Variants in DACH2 observed in about 807,000 individuals in gnomAD.
DACH2 encodes the protein dachshund homolog 2.
A neutral mutation model predicts 35.8 loss-of-function variants in DACH2; 17 were observed. The observed-to-expected ratio is 0.48, with a 90% CI of 0.33 to 0.71. The LOEUF is 0.71. Ranked by LOEUF, DACH2 falls within the 30% of genes least tolerant of loss-of-function variation. The probability of loss-of-function intolerance (pLI) is 0.02; values close to 1 mark genes in which losing one functional copy is unlikely to be tolerated. For synonymous variants in DACH2, 195 were observed against 177.3 expected (o/e 1.10, Z -0.79); for missense variants, 469 against 472.7 (o/e 0.99, Z 0.07).
At chrX:86,404,437 A>G (rs1386641405) in intron 2 of DACH2, among the ~76,000 whole-genome samples, 1 of 112,116 alleles carries the variant, frequency 8.9e-6, no homozygotes, top group Non-Finnish European at 1.9e-5. Flanking sequence ...TACAGGCCCC[A>G]TGCAAGTCCA....
intron 2 of DACH2, among the ~76,000 whole-genome samples, chrX:86,468,551 C>T (rs1251446029): frequency 9.0e-6 from 1 of 111,598 alleles, no homozygotes; most frequent in Non-Finnish European, 1.9e-5. Flanking sequence ...GAGAGTACTT[C>T]CAATTTCTCC....
intron 6 of DACH2, among the ~76,000 whole-genome samples, chrX:86,729,129 C>A (rs765110239): frequency 5.3e-5 from 6 of 112,421 alleles, no homozygotes; most frequent in African/African-American, 1.9e-4. Context: ...CCCTGTAAAG[C>A]CACAGGGGCA....
intron 3 of DACH2, among the ~76,000 whole-genome samples, chrX:86,592,067 C>T (rs1012286749): frequency 9.1e-6 from 1 of 110,089 alleles, no homozygotes; most frequent in Admixed American, 9.7e-5. Flanking sequence ...ATCGATTGTG[C>T]TTATGGTGTT....
At chrX:86,207,726 G>T (rs1165225118) in intron 1 of DACH2, among the ~76,000 whole-genome samples, 1 of 110,886 alleles carries the variant, frequency 9.0e-6, no homozygotes, top group Non-Finnish European at 1.9e-5. Context: ...ATAATTTGGT[G>T]TTGCTAATGT....
chrX:86,299,460 T>C (rs2034532492), intron 1 of DACH2, among the ~76,000 whole-genome samples: 1 of 111,972 alleles, frequency 8.9e-6, no homozygotes, highest in African/African-American at 3.2e-5. Flanking sequence ...AAGTAGATGC[T>C]CAGTACTTCT....
chrX:86,654,553 G>A (rs952263115), intron 4 of DACH2, among the ~76,000 whole-genome samples: 18 of 111,042 alleles, frequency 1.6e-4, no homozygotes, highest in African/African-American at 5.2e-4. Context: ...GCAATTTTCT[G>A]GGGAATCAAT....
chrX:86,798,604 A>G, intron 7 of DACH2: 1 of 119,831 alleles, frequency 8.3e-6, no homozygotes, highest in Non-Finnish European at 1.8e-5. Context: ...TAAATCAGTT[A>G]TCAAGGAAAG....
chrX:86,440,809 T>C (rs2037148180), intron 2 of DACH2, among the ~76,000 whole-genome samples: 1 of 111,686 alleles, frequency 9.0e-6, no homozygotes, highest in African/African-American at 3.3e-5. Flanking sequence ...GTATTTATCA[T>C]TTCTTTGTTG....
At chrX:86,207,310 G>A (rs1457721761) in intron 1 of DACH2, among the ~76,000 whole-genome samples, 1 of 111,288 alleles carries the variant, frequency 9.0e-6, no homozygotes, top group African/African-American at 3.3e-5. Flanking sequence ...ATTGTAATCT[G>A]GTTTCATGAA....
chrX:86,357,767 G>C (rs1393991947), intron 1 of DACH2, among the ~76,000 whole-genome samples: 3 of 112,259 alleles, frequency 2.7e-5, no homozygotes, highest in African/African-American at 9.7e-5. Flanking sequence ...ACACACGTGT[G>C]CTTGATCAAA....
intron 1 of DACH2, among the ~76,000 whole-genome samples, chrX:86,189,036 T>C (rs1249249184): frequency 8.9e-6 from 1 of 111,990 alleles, no homozygotes; most frequent in Admixed American, 9.6e-5. Context: ...AAAGATTAAT[T>C]CGAAGTGACT....
chrX:86,759,635 G>C (rs1426431070), intron 7 of DACH2, among the ~76,000 whole-genome samples: 1 of 109,118 alleles, frequency 9.2e-6, no homozygotes, highest in Non-Finnish European at 1.9e-5. Flanking sequence ...TTACATTCAA[G>C]GTTATTATTG....
intron 2 of DACH2, among the ~76,000 whole-genome samples, chrX:86,403,992 T>G (rs1200497561): frequency 9.1e-6 from 1 of 109,865 alleles, no homozygotes; most frequent in Non-Finnish European, 1.9e-5. Context: ...TTTTTTTTTT[T>G]TTAAAGCACC....
In DACH2 at chrX:86,736,464, T is replaced by C. The variant is rs893263183; in HGVS notation, c.1105-3283T>C. ...TTTCAGCATAAATTATTGGAGTTTA[T>C]ATCATTTTATCCTATGCTAATTTTA... On this transcript the variant is annotated intron_variant, in intron 6 of 11. Coordinates refer to ENST00000373125, the MANE Select transcript of DACH2 (RefSeq NM_053281.3). Among the ~76,000 whole-genome samples, 9 of 112,201 alleles carry C rather than the reference T, an allele frequency of 8.0e-5. No individual in the cohort carries two copies. The East Asian group carries it at 2.0e-3, about 24-fold the overall frequency.
At chrX:86,669,405 CA>C (rs1056487975) in intron 4 of DACH2, among the ~76,000 whole-genome samples, 3 of 110,343 alleles carry the variant, frequency 2.7e-5, no homozygotes, top group African/African-American at 9.8e-5. Context: ...CAAGAATTGG[CA>C]AAAAAAGATA....
rs778205281 is a variant in DACH2 at position 86,509,774 on chromosome X, AAAC to A, written c.528-4501_528-4499del. Among the ~76,000 whole-genome samples, 241 of 112,322 alleles carry A rather than the reference AAAC, an allele frequency of 2.1e-3. 1 individual carries two copies. The highest frequency in any genetic ancestry group is 9.2e-3 in the Middle Eastern group (2 of 218). ...CAGAGCAGCACTTTCATAGTCAGGT[AAAC>A]AACGCCTTCAAAGCTAATGTCATTT... On this transcript the variant is annotated intron_variant, in intron 2 of 11. Coordinates refer to ENST00000373125, the MANE Select transcript of DACH2 (RefSeq NM_053281.3).
intron 2 of DACH2, among the ~76,000 whole-genome samples, chrX:86,387,798 T>TA (rs2036142555): frequency 8.9e-6 from 1 of 112,250 alleles, no homozygotes; most frequent in Non-Finnish European, 1.9e-5. Context: ...TACTAACACT[T>TA]ACATTATTTT....
chrX:86,432,839 G>A (rs2037006908), intron 2 of DACH2, among the ~76,000 whole-genome samples: 2 of 112,281 alleles, frequency 1.8e-5, no homozygotes, highest in Non-Finnish European at 3.8e-5. Flanking sequence ...CTGTGCTTGT[G>A]GATGTGAATC....
At chrX:86,573,509 T>C (rs907704330) in intron 3 of DACH2, among the ~76,000 whole-genome samples, 2 of 111,541 alleles carry the variant, frequency 1.8e-5, no homozygotes, top group African/African-American at 6.5e-5. Flanking sequence ...CTAGAAGCCA[T>C]AGAGATAGTT....
Sources: gnomAD v4.1 joint callset for allele counts (sites outside exome capture counted in the v4.1 genomes callset) on GRCh38, gnomAD v4.1.1 for gene constraint, MANE v1.5 for transcripts, NCBI Gene and HGNC (gene_info 2026-07-23, HGNC 2026-07-21) for gene names.